The following TMEM132C variants were observed in gnomAD, a reference collection of about 807,000 sequenced individuals.
TMEM132C encodes transmembrane protein 132C.
TMEM132C carries 29 observed loss-of-function variants against 61.4 expected under a neutral mutation model. The ratio of observed to expected loss-of-function variants is 0.47; its 90% confidence interval spans 0.35 to 0.64. TMEM132C has a LOEUF of 0.64. Among genes scored for constraint, TMEM132C ranks in the 30% least tolerant of loss-of-function variants. The probability of loss-of-function intolerance (pLI) is 0.00; values close to 1 mark genes in which losing one functional copy is unlikely to be tolerated. For missense variants in TMEM132C, 1,408 were observed against 1,476.9 expected, an observed-to-expected ratio of 0.95 and a Z score of 0.76; for synonymous variants, 656 against 633.1, an observed-to-expected ratio of 1.04 and a Z score of -0.54.
At chr12:128,589,151 A>G (rs2135565007) in intron 3 of TMEM132C, among the ~76,000 whole-genome samples, 1 of 152,260 alleles carries the variant, frequency 6.6e-6, no homozygotes, top group Non-Finnish European at 1.5e-5. Flanking sequence ...AGGGATCCAC[A>G]GACTCCCGGC....
chr12:128,682,623 A>T, intron 5 of TMEM132C, among the ~76,000 whole-genome samples: 1 of 152,234 alleles, frequency 6.6e-6, no homozygotes, highest in East Asian at 1.9e-4. Flanking sequence ...ACTCCAAATC[A>T]GAAAACGGAT....
chr12:128,525,358 C>A (rs1325375874), intron 2 of TMEM132C, among the ~76,000 whole-genome samples: 1 of 152,038 alleles, frequency 6.6e-6, no homozygotes. Context: ...CTCTCTCTCT[C>A]TCTCCCTCCT....
chr12:128,685,602 C>CG (rs1954667049), intron 5 of TMEM132C, among the ~76,000 whole-genome samples: 1 of 152,026 alleles, frequency 6.6e-6, no homozygotes, highest in South Asian at 2.1e-4. Flanking sequence ...CCAAGCATGG[C>CG]TGTCACTTCT....
intron 2 of TMEM132C, among the ~76,000 whole-genome samples, chr12:128,505,745 G>A (rs1416217053): frequency 2.0e-5 from 3 of 152,220 alleles, no homozygotes; most frequent in Non-Finnish European, 2.9e-5. Flanking sequence ...GCTACTCAAT[G>A]TCAATTGAGT....
At chr12:128,311,245 C>A (rs1871953921) in intron 1 of TMEM132C, among the ~76,000 whole-genome samples, 1 of 152,232 alleles carries the variant, frequency 6.6e-6, no homozygotes, top group Non-Finnish European at 1.5e-5. Context: ...AAGATAAGAT[C>A]CGTACTTCTT....
In TMEM132C at chr12:128,649,794, G is replaced by T. The variant is rs567202440; in HGVS notation, c.1306-19623G>T. Among the ~76,000 whole-genome samples the T allele has an allele frequency of 2.5e-4, 38 of 152,194 alleles. 1 individual carries two copies. Among genetic ancestry groups the T allele is most frequent in the Non-Finnish European group, 1.5e-4 (10 of 68,026 alleles). ...TTTAATAACTCATTTATAGCATGAG[G>T]CATTCCAAAGATGGTGCCTGCTTAA... On this transcript the variant is annotated intron_variant, in intron 4 of 8. Coordinates refer to ENST00000435159, the MANE Select transcript of TMEM132C (RefSeq NM_001136103.3).
intron 5 of TMEM132C, among the ~76,000 whole-genome samples, chr12:128,675,875 AGAT>A (rs1954580936): frequency 1.0e-5 from 1 of 98,770 alleles, no homozygotes; most frequent in Non-Finnish European, 2.1e-5. Context: ...ATAGATAGAT[AGAT>A]AGATAAATAG....
intron 1 of TMEM132C, among the ~76,000 whole-genome samples, chr12:128,348,439 G>T (rs891665376): frequency 6.6e-6 from 1 of 152,068 alleles, no homozygotes; most frequent in Non-Finnish European, 1.5e-5. Context: ...TTACCTAAAT[G>T]CCCTAACTAG....
chr12:128,613,404 A>G (rs913772473), intron 3 of TMEM132C, among the ~76,000 whole-genome samples: 3 of 152,190 alleles, frequency 2.0e-5, no homozygotes, highest in African/African-American at 4.8e-5. Flanking sequence ...TCCCAGTCCA[A>G]TGCTCTTTAC....
intron 4 of TMEM132C, among the ~76,000 whole-genome samples, chr12:128,632,874 A>G (rs1336063004): frequency 1.3e-5 from 2 of 152,240 alleles, no homozygotes; most frequent in African/African-American, 2.4e-5. Flanking sequence ...AAACTCTTGG[A>G]GGTCCCCAAG....
At chr12:128,419,900 A>G (rs1868927270) in intron 2 of TMEM132C, among the ~76,000 whole-genome samples, 1 of 152,140 alleles carries the variant, frequency 6.6e-6, no homozygotes, top group Non-Finnish European at 1.5e-5. Flanking sequence ...AGATAAAAAT[A>G]ATCAAAATTG....
intron 1 of TMEM132C, among the ~76,000 whole-genome samples, chr12:128,320,441 T>G (rs1486674427): frequency 1.3e-5 from 2 of 152,186 alleles, no homozygotes; most frequent in South Asian, 2.1e-4. Context: ...TTTATTTACC[T>G]TTTAAAGTCT....
At chr12:128,445,475 G>A (rs1195097371) in intron 2 of TMEM132C, among the ~76,000 whole-genome samples, 1 of 152,160 alleles carries the variant, frequency 6.6e-6, no homozygotes, top group African/African-American at 2.4e-5. Flanking sequence ...ATGGGTCAGG[G>A]GTTGTCACTA....
intron 1 of TMEM132C, among the ~76,000 whole-genome samples, chr12:128,310,500 G>C (rs1871932377): frequency 6.6e-6 from 1 of 151,966 alleles, no homozygotes; most frequent in Non-Finnish European, 1.5e-5. Flanking sequence ...TGGGTGGGGG[G>C]GTTTGCCACA....
At chr12:128,534,706 C>G (rs1251198906) in intron 2 of TMEM132C, among the ~76,000 whole-genome samples, 1 of 152,214 alleles carries the variant, frequency 6.6e-6, no homozygotes, top group African/African-American at 2.4e-5. Flanking sequence ...GTCCTGGACA[C>G]AAACCCTGCA....
intron 1 of TMEM132C, among the ~76,000 whole-genome samples, chr12:128,369,513 G>T (rs909665156): frequency 2.6e-5 from 4 of 150,992 alleles, no homozygotes; most frequent in African/African-American, 9.7e-5. Context: ...GATGATTCAT[G>T]CTTCAGCATT....
intron 2 of TMEM132C, among the ~76,000 whole-genome samples, chr12:128,458,732 C>A (rs184868558): frequency 6.6e-6 from 1 of 152,144 alleles, no homozygotes. Context: ...TTCCCACCAT[C>A]GCCAGTTTCA....
intron 2 of TMEM132C, among the ~76,000 whole-genome samples, chr12:128,506,096 G>T: frequency 6.6e-6 from 1 of 152,190 alleles, no homozygotes; most frequent in East Asian, 1.9e-4. Flanking sequence ...GCAGCCAGCA[G>T]CCCCACTCGT....
intron 5 of TMEM132C, among the ~76,000 whole-genome samples, chr12:128,683,342 A>ATTCT (rs1304033400): frequency 2.6e-5 from 4 of 151,940 alleles, no homozygotes; most frequent in African/African-American, 9.7e-5. Flanking sequence ...CTCCTGATAA[A>ATTCT]CCTGTGACAC....
Sources: gnomAD v4.1 joint callset for allele counts (sites outside exome capture counted in the v4.1 genomes callset) on GRCh38, gnomAD v4.1.1 for gene constraint, MANE v1.5 for transcripts, NCBI Gene and HGNC (gene_info 2026-07-23, HGNC 2026-07-21) for gene names.